Variants in CAPRIN2 observed in about 807,000 individuals in gnomAD.
CAPRIN2 encodes caprin-2.
In CAPRIN2, 66 loss-of-function variants were observed where a neutral mutation model predicts 130.4. The ratio of observed to expected loss-of-function variants is 0.51; its 90% CI spans 0.42 to 0.62. The LOEUF is 0.62. Among genes scored for constraint, CAPRIN2 ranks in the 20% least tolerant of loss-of-function variants. The pLI is 0.00. For missense variants in CAPRIN2, 1,185 were observed against 1,246.6 expected (o/e 0.95, Z 0.74); for synonymous variants, 471 against 444.1 (o/e 1.06, Z -0.76).
rs749115643 is a variant in CAPRIN2 at position 30,753,324 on chromosome 12, A to G, written c.420+20T>C. 9 of 1,585,712 alleles carry G rather than the reference A, an allele frequency of 5.7e-6. No homozygotes were observed. The South Asian group carries it at 5.7e-5, about 10-fold the overall frequency. On this transcript the variant is annotated intron_variant, in intron 1 of 16. Transcript: ENST00000298892. ...ATCTTTAAGATCATGCATCTACAGG[A>G]CTGGAAGAAAAAAAGTTACCTTCTT...
At chr12:30,724,598 C>G in intron 9 of CAPRIN2, 147 bp from the exon 11 acceptor site, 1 of 580,440 alleles carries the variant, frequency 1.7e-6, no homozygotes, top group South Asian at 2.1e-5. Flanking sequence ...TAATCACTGT[C>G]TCAGGATGCC....
chr12:30,733,765 G>T, intron 4 of CAPRIN2, 54 bp from the exon 6 acceptor site: 2 of 1,143,772 alleles, frequency 1.7e-6, no homozygotes, highest in Non-Finnish European at 2.7e-6. Flanking sequence ...ACATATATAT[G>T]GAGCAGCACA....
At chr12:30,741,890 T>G (rs1409614744) in intron 2 of CAPRIN2, among the ~76,000 whole-genome samples, 2 of 151,944 alleles carry the variant, frequency 1.3e-5, no homozygotes, top group Non-Finnish European at 2.9e-5. Flanking sequence ...ATGAAAACAA[T>G]CCAAATATCC....
At chr12:30,719,520 A>C in intron 12 of CAPRIN2, 1 of 279,810 alleles carries the variant, frequency 3.6e-6, no homozygotes, top group Non-Finnish European at 6.6e-6. Context: ...CTGAAATGGT[A>C]ATTTCCAGTT....
chr12:30,749,396 G>A (rs148589494), intron 2 of CAPRIN2, among the ~76,000 whole-genome samples: 2 of 152,288 alleles, frequency 1.3e-5, no homozygotes, highest in East Asian at 3.9e-4. Context: ...CAGGATCACT[G>A]AGTTTACTAC....
chr12:30,722,408 C>T (rs1398419971), intron 11 of CAPRIN2, among the ~76,000 whole-genome samples: 3 of 151,958 alleles, frequency 2.0e-5, no homozygotes, highest in Admixed American at 6.5e-5. Context: ...GGGATGGCTT[C>T]GATGCAGCCA....
intron 12 of CAPRIN2, 22 bp downstream of exon 13, chr12:30,720,789 A>C: frequency 1.4e-6 from 2 of 1,381,958 alleles, no homozygotes; most frequent in South Asian, 2.3e-5. Flanking sequence ...TACAAAAGAA[A>C]TTAAGACAAT....
At chr12:30,735,312 T>G (rs1263354016) in intron 3 of CAPRIN2, 106 bp from the exon 5 acceptor site, 2 of 838,496 alleles carry the variant, frequency 2.4e-6, no homozygotes, top group Non-Finnish European at 3.9e-6. Context: ...AGATGATAAA[T>G]CTCATGACTG....
At chr12:30,723,221 T>G in intron 11 of CAPRIN2, 38 bp downstream of exon 12, 2 of 1,419,584 alleles carry the variant, frequency 1.4e-6, no homozygotes, top group Non-Finnish European at 2.0e-6. Context: ...GCTTCTTCCT[T>G]GAGCAGCAAA....
Position 30,718,662 on chromosome 12 carries a change from A to C in CAPRIN2, c.2149-1986T>G, listed in dbSNP as rs186897788. On this transcript the variant is annotated intron_variant, in intron 12 of 16. Transcript: ENST00000298892. ...TTGAGATCAGGATAAAATAAAATGA[A>C]AGTTTCAGCAATGACAGAACACCCA... 3.7e-4 allele frequency among the ~76,000 whole-genome samples: 57 copies of C among 152,334 alleles called. 1 individual carries two copies. The highest frequency in any genetic ancestry group is 1.3e-3 in the African/African-American group (56 of 41,580).
intron 8 of CAPRIN2, chr12:30,728,330 G>A (rs1189332251): frequency 4.7e-6 from 1 of 213,072 alleles, no homozygotes; most frequent in African/African-American, 2.3e-5. Flanking sequence ...CGAGGCGGTT[G>A]GATCACGAGA....
At chr12:30,729,379 G>A (rs2061889161) in intron 7 of CAPRIN2, 54 bp from the exon 9 acceptor site, 2 of 1,306,484 alleles carry the variant, frequency 1.5e-6, no homozygotes, top group Admixed American at 4.7e-5. Flanking sequence ...GACCTTGGAG[G>A]GAATATTCAA....
At chr12:30,754,672 C>G (rs974293038), upstream of CAPRIN2, 1 of 152,326 alleles carries the variant, frequency 6.6e-6, no homozygotes, top group African/African-American at 2.4e-5. Flanking sequence ...CGGCGCCGGC[C>G]GCCCAGACCT....
intron 12 of CAPRIN2, among the ~76,000 whole-genome samples, chr12:30,718,098 G>T (rs2058230744): frequency 6.6e-6 from 1 of 152,142 alleles, no homozygotes; most frequent in Non-Finnish European, 1.5e-5. Flanking sequence ...GAATATATAA[G>T]GCAAGCTCAG....
intron 6 of CAPRIN2, 106 bp downstream of exon 7, chr12:30,731,237 G>A: frequency 1.3e-6 from 1 of 792,190 alleles, no homozygotes; most frequent in South Asian, 2.0e-5. Context: ...TTCCATGCAT[G>A]TAGAACCTAA....
At chr12:30,741,060 G>A in exon 3 of CAPRIN2, 1 of 1,611,196 alleles carries the variant, frequency 6.2e-7, no homozygotes, top group South Asian at 1.1e-5. Flanking sequence ...AAGCTCCTTG[G>A]CAAATTCCAA....
exon 17 of CAPRIN2, chr12:30,709,740 T>C (rs1268999418): frequency 1.7e-5 from 12 of 687,062 alleles, no homozygotes; most frequent in Non-Finnish European, 2.8e-5. Flanking sequence ...GTCATTCAGC[T>C]TGATTTTTCA....
rs111415714 is a variant in CAPRIN2, at chr12:30,721,051, G to A, written c.2044-136C>T. 5.3e-3 allele frequency: 3,281 copies of A among 619,330 alleles called. 80 individuals carry two copies. In the African/African-American group the frequency reaches 0.054, roughly 10 times the overall value. The allele number at this position is 619,330 out of a possible 1,614,324, so 38.4% of individuals were successfully genotyped here. On this transcript the variant is annotated intron_variant, in intron 11 of 16. Coordinates refer to ENST00000298892, the Ensembl canonical transcript of CAPRIN2. ...AAGCACTCTGCTAAACACTTTATAC[G>A]TGTTAATATATTTAATCCTAACAGT...
rs977356635 is a variant in CAPRIN2 at position 30,750,998 on chromosome 12, C to T, written c.483+73G>A. 16 of 1,050,320 alleles carry T rather than the reference C, an allele frequency of 1.5e-5. 1 individual carries two copies. The highest frequency in any genetic ancestry group is 1.5e-4 in the South Asian group (12 of 79,218). 65.1% of individuals were successfully genotyped at this position (1,050,320 alleles called of 1,614,324 possible). On this transcript the variant is annotated intron_variant, in intron 2 of 16. Transcript: ENST00000298892. ...GTGTGTGTGTGCTATAAAGACTGAT[C>T]GCACTAAATCCATGTAGTTTTATTA...
Sources: gnomAD v4.1 joint callset for allele counts (sites outside exome capture counted in the v4.1 genomes callset) on GRCh38, gnomAD v4.1.1 for gene constraint, MANE v1.5 for transcripts, NCBI Gene and HGNC (gene_info 2026-07-23, HGNC 2026-07-21) for gene names.